Variants in GRIA3 observed in about 807,000 individuals in gnomAD.
The protein encoded by GRIA3 is glutamate receptor 3.
A neutral mutation model predicts 63.0 loss-of-function variants in GRIA3; 3 were observed. That is an observed-to-expected ratio of 0.05 (90% CI 0.02 to 0.12). The LOEUF (loss-of-function observed/expected upper bound fraction) is 0.12, where lower values mean the gene tolerates loss of function less well. GRIA3 is among the 10% of genes least tolerant of loss of function. The probability of loss-of-function intolerance (pLI) is 1.00; values close to 1 mark genes in which losing one functional copy is unlikely to be tolerated. For synonymous variants in GRIA3, 274 were observed against 257.9 expected (o/e 1.06, Z -0.60); for missense variants, 347 against 700.9 (o/e 0.50, Z 5.70).
rs537289035 is a variant in GRIA3, at chrX:123,346,564, T to C, written c.697-8346T>C. Among the ~76,000 whole-genome samples the C allele has an allele frequency of 1.8e-4, 20 of 112,814 alleles. No individual in the cohort carries two copies. The South Asian group carries it at 7.3e-3, about 41-fold the overall frequency. The stretch of plus-strand genomic sequence containing the variant: ...TGTTTAAGTTACCTGTTTGTCAGGT[T>C]CCCACTTATAAAAGCTACAGGAAAA... On this transcript the variant is annotated intron_variant, in intron 4 of 15. Coordinates refer to ENST00000620443, the MANE Select transcript of GRIA3 (RefSeq NM_007325.5).
intron 12 of GRIA3, among the ~76,000 whole-genome samples, chrX:123,441,506 G>T (rs1395612978): frequency 9.0e-6 from 1 of 111,201 alleles, no homozygotes; most frequent in Non-Finnish European, 1.9e-5. Flanking sequence ...GCATGTGAAG[G>T]TGAGGTTCAT....
intron 3 of GRIA3, among the ~76,000 whole-genome samples, chrX:123,302,334 A>G (rs1448748694): frequency 8.9e-6 from 1 of 111,969 alleles, no homozygotes; most frequent in African/African-American, 3.2e-5. Flanking sequence ...TATATGTAAA[A>G]TAAGACTAAT....
intron 10 of GRIA3, among the ~76,000 whole-genome samples, chrX:123,408,821 C>T (rs958777049): frequency 7.1e-5 from 8 of 112,186 alleles, no homozygotes; most frequent in African/African-American, 1.3e-4. Flanking sequence ...ACCAACCCAT[C>T]GGAGAAGACT....
intron 4 of GRIA3, among the ~76,000 whole-genome samples, chrX:123,326,713 C>T (rs2044907825): frequency 9.0e-6 from 1 of 111,556 alleles, no homozygotes; most frequent in African/African-American, 3.3e-5. Flanking sequence ...ACAGTACTCA[C>T]CAAGTTTTGA....
chrX:123,378,044 T>C (rs1184416145), intron 5 of GRIA3, among the ~76,000 whole-genome samples: 3 of 112,156 alleles, frequency 2.7e-5, no homozygotes, highest in Non-Finnish European at 5.6e-5. Flanking sequence ...ACTTCACTTT[T>C]ACATATATTC....
chrX:123,248,107 G>A (rs1235253159), intron 2 of GRIA3, among the ~76,000 whole-genome samples: 1 of 112,206 alleles, frequency 8.9e-6, no homozygotes, highest in Admixed American at 9.4e-5. Flanking sequence ...TGTTATAGGT[G>A]CTGCCCATGA....
At chrX:123,367,433 G>GT (rs199962371) in intron 5 of GRIA3, among the ~76,000 whole-genome samples, 6,216 of 105,060 alleles carry the variant, frequency 0.059, 221 homozygotes, top group Middle Eastern at 0.1. Context: ...TTTGTTTTTT[G>GT]TTTTTTGTTT....
At chrX:123,379,030 C>T (rs2045304688) in intron 5 of GRIA3, among the ~76,000 whole-genome samples, 1 of 110,373 alleles carries the variant, frequency 9.1e-6, no homozygotes. Flanking sequence ...TTGCATTAAT[C>T]CCACCTCAAG....
intron 2 of GRIA3, among the ~76,000 whole-genome samples, chrX:123,187,134 T>C (rs944493948): frequency 1.8e-5 from 2 of 112,043 alleles, no homozygotes; most frequent in African/African-American, 6.5e-5. Flanking sequence ...ATGATATTTA[T>C]GTTTGGATGG....
At chrX:123,356,985 C>T (rs1006153068) in intron 5 of GRIA3, among the ~76,000 whole-genome samples, 9 of 111,564 alleles carry the variant, frequency 8.1e-5, no homozygotes, top group African/African-American at 2.6e-4. Context: ...GCAGGGAGAG[C>T]TTCAGACCAC....
chrX:123,341,101 G>A (rs1187427481), intron 4 of GRIA3, among the ~76,000 whole-genome samples: 1 of 111,916 alleles, frequency 8.9e-6, no homozygotes, highest in Non-Finnish European at 1.9e-5. Context: ...GTTTTAGTTA[G>A]GGTTGATGGA....
chrX:123,202,581 G>T, intron 2 of GRIA3: 1 of 1,127,066 alleles, frequency 8.9e-7, no homozygotes, highest in Non-Finnish European at 1.2e-6. Context: ...CCACCCTTCC[G>T]CTGAAGGAGA....
In GRIA3 at chrX:123,360,519, TAAA is replaced by T. The variant is rs752270406; in HGVS notation, c.750+5580_750+5582del. On this transcript the variant is annotated intron_variant, in intron 5 of 15. Coordinates refer to ENST00000620443, the MANE Select transcript of GRIA3 (RefSeq NM_007325.5). ...AATATGATGAAACCCTGTCTCTACTTAAAAAAAAAAAAAAAAAAAAAAAAAACT... is the reference window on the plus strand; with the variant it reads ...AATATGATGAAACCCTGTCTCTACTTAAAAAAAAAAAAAAAAAAAAAAACT... 3.3e-3 allele frequency among the ~76,000 whole-genome samples: 141 copies of T among 42,332 alleles called. 1 individual carries two copies. The highest frequency in any genetic ancestry group is 0.036 in the Middle Eastern group (2 of 56). 36.8% of individuals were successfully genotyped at this position (42,332 alleles called of 115,157 possible).
intron 2 of GRIA3, among the ~76,000 whole-genome samples, chrX:123,211,698 CTT>C (rs1465317092): frequency 8.9e-6 from 1 of 112,016 alleles, no homozygotes; most frequent in East Asian, 2.8e-4. Flanking sequence ...AATTCAGTGA[CTT>C]ATGCAAAGTT....
In GRIA3 at chrX:123,200,987, G is replaced by C. The variant is rs755258746; in HGVS notation, c.268+14997G>C. On this transcript the variant is annotated intron_variant, in intron 2 of 15. Transcript: ENST00000620443. ...TTTCTTGTTGTATAGCCTTGGGTGA[G>C]GAGCTTAACCCCTCTAAATCTCAGT... 2.7e-5 allele frequency among the ~76,000 whole-genome samples: 3 copies of C among 111,788 alleles called. No homozygotes were observed. In the South Asian group the frequency reaches 1.1e-3, roughly 42 times the overall value.
chrX:123,253,789 A>G (rs2044403993), intron 3 of GRIA3: 4 of 344,231 alleles, frequency 1.2e-5, no homozygotes, highest in Non-Finnish European at 2.0e-5. Context: ...TTGAGTCACC[A>G]TAGTTGAAAA....
intron 5 of GRIA3, among the ~76,000 whole-genome samples, chrX:123,377,079 C>G (rs1194749281): frequency 9.1e-6 from 1 of 109,338 alleles, no homozygotes; most frequent in South Asian, 4.0e-4. Context: ...GGACTATAGG[C>G]GCCCGCCACC....
chrX:123,219,295 G>A (rs967261249), intron 2 of GRIA3, among the ~76,000 whole-genome samples: 3 of 112,312 alleles, frequency 2.7e-5, no homozygotes, highest in Admixed American at 9.4e-5. Flanking sequence ...TGAGTCTGAG[G>A]CAAAGTGAAG....
At chrX:123,357,609 G>A (rs188816358) in intron 5 of GRIA3, among the ~76,000 whole-genome samples, 140 of 109,152 alleles carry the variant, frequency 1.3e-3, no homozygotes, top group African/African-American at 4.5e-3. Flanking sequence ...GCAATTTTGA[G>A]ATCCAGACCT....
Sources: allele counts gnomAD v4.1 joint callset (sites outside exome capture counted in the v4.1 genomes callset), GRCh38; gene constraint gnomAD v4.1.1; transcripts MANE v1.5; gene names NCBI Gene and HGNC (gene_info 2026-07-23, HGNC 2026-07-21).